Variants in GALNT13 observed in about 807,000 individuals in gnomAD.
The protein encoded by GALNT13 is UDP-GalNAc:polypeptide N-acetylgalactosaminyltransferase 13.
GALNT13 carries 28 observed loss-of-function variants against 64.2 expected under a neutral mutation model. The ratio of observed to expected loss-of-function variants is 0.44; its 90% CI spans 0.32 to 0.60. The LOEUF is 0.60. Ranked by LOEUF, GALNT13 falls within the 20% of genes least tolerant of loss-of-function variation. The pLI is 0.05. For synonymous variants in GALNT13, 214 were observed against 224.6 expected (o/e 0.95, Z 0.42); for missense variants, 577 against 669.8 (o/e 0.86, Z 1.53).
chr2:153,644,980 A>G, the GALNT13 span, among the ~76,000 whole-genome samples: 1 of 152,152 alleles, frequency 6.6e-6, no homozygotes, highest in African/African-American at 2.4e-5. Flanking sequence ...CTATTTCAAC[A>G]TTATGATGAA....
At chr2:153,790,020 A>G in the GALNT13 span, among the ~76,000 whole-genome samples, 1 of 152,196 alleles carries the variant, frequency 6.6e-6, no homozygotes, top group Admixed American at 6.6e-5. Flanking sequence ...AAGAGCTGGT[A>G]ATATTCCTAC....
At chr2:153,377,266 A>G in the GALNT13 span, among the ~76,000 whole-genome samples, 1 of 152,130 alleles carries the variant, frequency 6.6e-6, no homozygotes, top group Non-Finnish European at 1.5e-5. Flanking sequence ...CCCCTTTAGA[A>G]CTGTGAGAAA....
the GALNT13 span, among the ~76,000 whole-genome samples, chr2:153,368,854 A>G: frequency 6.6e-6 from 1 of 152,124 alleles, no homozygotes. Flanking sequence ...CTTTCCACCC[A>G]GAAAAGCAGC....
the GALNT13 span, among the ~76,000 whole-genome samples, chr2:153,611,516 C>T: frequency 4.0e-5 from 6 of 151,876 alleles, no homozygotes; most frequent in African/African-American, 1.5e-4. Context: ...CTACAGGCAC[C>T]TGCCACCACG....
At chr2:154,091,921 C>T (rs982283041) in intron 3 of GALNT13, among the ~76,000 whole-genome samples, 4 of 151,576 alleles carry the variant, frequency 2.6e-5, no homozygotes, top group Non-Finnish European at 2.9e-5. Flanking sequence ...ATTTAAATTA[C>T]AGAACTGCTT....
At chr2:153,211,833 C>A in the GALNT13 span, among the ~76,000 whole-genome samples, 1 of 152,156 alleles carries the variant, frequency 6.6e-6, no homozygotes, top group Non-Finnish European at 1.5e-5. Context: ...CCAACATGAA[C>A]ATTTAGAAGA....
the GALNT13 span, among the ~76,000 whole-genome samples, chr2:153,711,666 T>C: frequency 6.6e-6 from 1 of 152,194 alleles, no homozygotes; most frequent in African/African-American, 2.4e-5. Flanking sequence ...CAAATAAAGC[T>C]GAATTCACAA....
chr2:154,375,609 C>G (rs1697945866), intron 9 of GALNT13, among the ~76,000 whole-genome samples: 1 of 152,136 alleles, frequency 6.6e-6, no homozygotes, highest in Non-Finnish European at 1.5e-5. Context: ...CACGCAGCCA[C>G]CAAGAGACTA....
At chr2:153,443,919 C>T in the GALNT13 span, among the ~76,000 whole-genome samples, 1 of 146,180 alleles carries the variant, frequency 6.8e-6, no homozygotes, top group Admixed American at 6.8e-5. Context: ...AACTCCATTT[C>T]AAAAAAAAAA....
At chr2:153,959,031 C>G (rs12987395) in intron 3 of GALNT13, among the ~76,000 whole-genome samples, 30,709 of 152,204 alleles carry the variant, frequency 0.2, 4,060 homozygotes, top group Middle Eastern at 0.33. Flanking sequence ...TTAGAAAGCA[C>G]ACAGGAAGGG....
the GALNT13 span, among the ~76,000 whole-genome samples, chr2:153,229,131 T>A: frequency 1.3e-5 from 2 of 152,186 alleles, no homozygotes; most frequent in African/African-American, 4.8e-5. Context: ...GGGCATACAC[T>A]AGCAAACATA....
At chr2:153,572,130 T>C in the GALNT13 span, among the ~76,000 whole-genome samples, 1 of 151,766 alleles carries the variant, frequency 6.6e-6, no homozygotes, top group Non-Finnish European at 1.5e-5. Context: ...TACTAGCCAT[T>C]GGTATATTCA....
the GALNT13 span, among the ~76,000 whole-genome samples, chr2:153,820,630 AG>A: frequency 2.0e-5 from 3 of 152,208 alleles, no homozygotes. Context: ...TCTTAAGTAA[AG>A]AAGAAATAGA....
chr2:154,347,272 C>T (rs1375853653), intron 9 of GALNT13, among the ~76,000 whole-genome samples: 1 of 151,970 alleles, frequency 6.6e-6, no homozygotes, highest in Non-Finnish European at 1.5e-5. Flanking sequence ...TTGTCAGGAC[C>T]TTAGTATATT....
the GALNT13 span, among the ~76,000 whole-genome samples, chr2:153,688,154 A>T: frequency 1.3e-5 from 2 of 152,022 alleles, no homozygotes; most frequent in Admixed American, 6.6e-5. Flanking sequence ...TTATTGGAAC[A>T]TAGCCACATC....
the GALNT13 span, among the ~76,000 whole-genome samples, chr2:153,323,012 G>A: frequency 2.6e-4 from 39 of 151,964 alleles, no homozygotes; most frequent in Non-Finnish European, 4.9e-4. Flanking sequence ...GGGTATATAT[G>A]CAGTAATGGG....
chr2:153,483,223 G>T, the GALNT13 span, among the ~76,000 whole-genome samples: 1 of 151,924 alleles, frequency 6.6e-6, no homozygotes, highest in Non-Finnish European at 1.5e-5. Flanking sequence ...CCACTTCTAG[G>T]TATATACCCC....
At chr2:153,235,044 A>G in the GALNT13 span, among the ~76,000 whole-genome samples, 1 of 152,140 alleles carries the variant, frequency 6.6e-6, no homozygotes, top group Non-Finnish European at 1.5e-5. Flanking sequence ...TGTTACTGTC[A>G]TAATTGCTTG....
chr2:153,183,162 T>C, the GALNT13 span, among the ~76,000 whole-genome samples: 872 of 152,334 alleles, frequency 5.7e-3, 11 homozygotes, highest in African/African-American at 0.02. Context: ...TTCTTAATAA[T>C]AGCCATTCTG....
Sources: gnomAD v4.1 joint callset for allele counts (sites outside exome capture counted in the v4.1 genomes callset) on GRCh38, gnomAD v4.1.1 for gene constraint, MANE v1.5 for transcripts, NCBI Gene and HGNC (gene_info 2026-07-23, HGNC 2026-07-21) for gene names.